LMF1: variants seen among roughly 807,000 people sequenced by gnomAD.
The protein encoded by LMF1 is lipase maturation factor 1.
LMF1 carries 68 observed loss-of-function variants against 60.6 expected under a neutral mutation model. The observed-to-expected ratio is 1.12, with a 90% CI of 0.92 to 1.37. The LOEUF (loss-of-function observed/expected upper bound fraction) is 1.37. Among genes scored for constraint, LMF1 ranks in the 40% most tolerant of loss-of-function variants. The pLI, the probability that LMF1 is intolerant of heterozygous loss-of-function variation, is 0.00. For synonymous variants in LMF1, 418 were observed against 324.7 expected, an observed-to-expected ratio of 1.29 and a Z score of -3.09; for missense variants, 948 against 767.2, an observed-to-expected ratio of 1.24 and a Z score of -2.78.
chr16:873,690 T>C (rs2069879754), intron 6 of LMF1: 1 of 152,190 alleles, frequency 6.6e-6, no homozygotes, highest in Non-Finnish European at 1.5e-5. Context: ...TGCATTGTGT[T>C]CCAGGTGGGC....
At chr16:938,187 C>T (rs1213409191) in intron 2 of LMF1, among the ~76,000 whole-genome samples, 1 of 152,246 alleles carries the variant, frequency 6.6e-6, no homozygotes, top group Non-Finnish European at 1.5e-5. Context: ...CCAGCTAGCA[C>T]TGGCAAGGCC....
intron 1 of LMF1, among the ~76,000 whole-genome samples, chr16:977,961 A>G (rs1310640259): frequency 5.1e-5 from 7 of 137,830 alleles, no homozygotes; most frequent in Middle Eastern, 3.8e-3. Flanking sequence ...CACACCACAC[A>G]CCATACACAC....
chr16:920,836 G>T (rs1012067285), intron 3 of LMF1, among the ~76,000 whole-genome samples: 1 of 152,224 alleles, frequency 6.6e-6, no homozygotes, highest in Non-Finnish European at 1.5e-5. Context: ...CGTCCAAAAC[G>T]AGGGACAGAT....
chr16:858,845 G>GC (rs757528184), intron 10 of LMF1, among the ~76,000 whole-genome samples: 4 of 80,614 alleles, frequency 5.0e-5, no homozygotes, highest in Admixed American at 1.1e-4. Flanking sequence ...GGACGGGTGT[G>GC]AGTGGTGTCA....
rs762462010 is a variant in LMF1 at position 869,071 on chromosome 16, C to A, written c.1417-15G>T. 1.3e-5 allele frequency: 21 copies of A among 1,568,440 alleles called. No homozygotes were observed. In the African/African-American group the frequency reaches 2.4e-4, roughly 18 times the overall value. Reference sequence around the variant, plus strand: ...TGCTCGTAGGTCTGGGAGGAGAGGTCGGGCTGGAGACGGCTGTGCCACTCG... The same window carrying A: ...TGCTCGTAGGTCTGGGAGGAGAGGTAGGGCTGGAGACGGCTGTGCCACTCG... On this transcript the variant is annotated splice_polypyrimidine_tract_variant and intron_variant, in intron 9 of 10. Transcript: ENST00000262301.
intron 10 of LMF1, 60 bp from the exon 11 acceptor site, chr16:854,766 C>T (rs2069143112): frequency 6.9e-7 from 1 of 1,446,494 alleles, no homozygotes; most frequent in Admixed American, 2.0e-5. Context: ...CGACCCGGCT[C>T]CTCAGCCTGC....
chr16:882,312 C>T (rs1354881709), intron 5 of LMF1, among the ~76,000 whole-genome samples: 1 of 152,236 alleles, frequency 6.6e-6, no homozygotes, highest in Non-Finnish European at 1.5e-5. Context: ...CCCCTGGAAT[C>T]CCAGCCGACC....
chr16:869,214 AG>A (rs2069703280), intron 9 of LMF1, 158 bp from the exon 10 acceptor site: 1 of 676,036 alleles, frequency 1.5e-6, no homozygotes, highest in African/African-American at 1.8e-5. Context: ...GGTCCCCTTA[AG>A]GGGCTGCCTG....
intron 3 of LMF1, among the ~76,000 whole-genome samples, chr16:914,237 G>A (rs1396941269): frequency 2.0e-5 from 3 of 152,028 alleles, no homozygotes; most frequent in African/African-American, 4.8e-5. Flanking sequence ...CCTGGGAGGG[G>A]AGCAAACGTC....
intron 3 of LMF1, among the ~76,000 whole-genome samples, chr16:925,806 T>C (rs562015399): frequency 4.6e-5 from 7 of 152,298 alleles, no homozygotes; most frequent in African/African-American, 1.7e-4. Flanking sequence ...TATTAGTAAG[T>C]GAAAAAAAGG....
At chr16:914,649 T>TCCCTTCC (rs71992005) in intron 3 of LMF1, among the ~76,000 whole-genome samples, 1 of 23,736 alleles carries the variant, frequency 4.2e-5, no homozygotes, top group Non-Finnish European at 9.4e-5. Flanking sequence ...CCCTCCCTCC[T>TCCCTTCC]CATGACCATT....
At chr16:973,301 C>T (rs1446525985), upstream of LMF1, among the ~76,000 whole-genome samples, 4 of 152,016 alleles carry the variant, frequency 2.6e-5, no homozygotes, top group African/African-American at 7.3e-5. Flanking sequence ...GCCTAGATCG[C>T]GCCACTGCAC....
At chr16:900,653 G>C (rs2070782215) in intron 4 of LMF1, 1 of 151,814 alleles carries the variant, frequency 6.6e-6, no homozygotes, top group African/African-American at 2.4e-5. Flanking sequence ...GGAATTACAG[G>C]CGCCCGCCAG....
At chr16:975,734 A>G (rs2073123736), upstream of LMF1, 1 of 443,472 alleles carries the variant, frequency 2.3e-6, no homozygotes, top group African/African-American at 2.0e-5. Flanking sequence ...CCACGCTCAG[A>G]AAAATAAATA....
chr16:860,110 A>G (rs969797285), intron 10 of LMF1, among the ~76,000 whole-genome samples: 3 of 151,492 alleles, frequency 2.0e-5, no homozygotes, highest in African/African-American at 2.5e-5. Flanking sequence ...GTATTAAGTT[A>G]TGAAACTTCT....
chr16:931,733 C>A (rs1567265009), intron 3 of LMF1: 3 of 1,287,212 alleles, frequency 2.3e-6, no homozygotes, highest in Non-Finnish European at 3.0e-6. Context: ...GAGAGCACTG[C>A]CGAAGCTACT....
chr16:931,365 C>T (rs537623606), intron 3 of LMF1, among the ~76,000 whole-genome samples: 2 of 152,258 alleles, frequency 1.3e-5, no homozygotes, highest in South Asian at 2.1e-4. Flanking sequence ...CTTTGCGGGC[C>T]GCAGGGTCCC....
chr16:870,604 T>G (rs1400141608), intron 8 of LMF1, 125 bp downstream of exon 8: 1 of 1,130,042 alleles, frequency 8.8e-7, no homozygotes, highest in African/African-American at 1.5e-5. Context: ...TGGGTCAGGC[T>G]GGGGTGGGGC....
At chr16:953,190 GCCTCCTACAT>G in intron 2 of LMF1, among the ~76,000 whole-genome samples, 1 of 93,360 alleles carries the variant, frequency 1.1e-5, no homozygotes, top group Admixed American at 1.1e-4. Flanking sequence ...CCCCAAACCA[GCCTCCTACAT>G]GTCCACACAG....
Sources: allele counts gnomAD v4.1 joint callset (sites outside exome capture counted in the v4.1 genomes callset), GRCh38; gene constraint gnomAD v4.1.1; transcripts MANE v1.5; gene names NCBI Gene and HGNC (gene_info 2026-07-23, HGNC 2026-07-21).